The following ZNF682 variants were observed in gnomAD, a reference collection of about 807,000 sequenced individuals.
ZNF682 encodes zinc finger protein 682.
Under a neutral mutation model 36.5 loss-of-function variants are expected in ZNF682, and 29 were observed. The ratio of observed to expected loss-of-function variants is 0.80; its 90% CI spans 0.59 to 1.08. ZNF682 has a LOEUF of 1.08. Among genes scored for constraint, ZNF682 ranks in the 50% least tolerant of loss-of-function variants. ZNF682 has a pLI of 0.00. For missense variants in ZNF682, 561 were observed against 579.7 expected (o/e 0.97, Z 0.33); for synonymous variants, 180 against 197.0 (o/e 0.91, Z 0.72).
intron 3 of ZNF682, among the ~76,000 whole-genome samples, chr19:20,018,484 A>G (rs1260639380): frequency 1.3e-5 from 2 of 152,200 alleles, no homozygotes; most frequent in Non-Finnish European, 2.9e-5. Flanking sequence ...ATAACACATT[A>G]CCCAAAGCTA....
At chr19:20,022,024 G>A (rs2088388478) in intron 3 of ZNF682, among the ~76,000 whole-genome samples, 1 of 151,796 alleles carries the variant, frequency 6.6e-6, no homozygotes, top group Non-Finnish European at 1.5e-5. Context: ...ACAAAAAGTA[G>A]CTGGGCATGG....
chr19:20,020,046 T>G (rs552068747), intron 3 of ZNF682, among the ~76,000 whole-genome samples: 1,067 of 11,410 alleles, frequency 0.094, 7 homozygotes, highest in Admixed American at 0.14. Context: ...ACCCCTTCTC[T>G]TAAAAAAAAA....
chr19:20,021,233 A>G (rs1044439365), intron 3 of ZNF682, among the ~76,000 whole-genome samples: 5 of 152,234 alleles, frequency 3.3e-5, no homozygotes, highest in African/African-American at 1.2e-4. Flanking sequence ...CGTGCTCCAT[A>G]TGCTTAAATT....
intron 3 of ZNF682, among the ~76,000 whole-genome samples, chr19:20,019,700 G>C (rs2088367265): frequency 6.6e-6 from 1 of 152,104 alleles, no homozygotes; most frequent in Admixed American, 6.5e-5. Flanking sequence ...TGAAGACAAA[G>C]AGCCAACAGG....
At chr19:20,007,501 T>C (rs1470737617) in intron 3 of ZNF682, 3 of 452,956 alleles carry the variant, frequency 6.6e-6, no homozygotes, top group African/African-American at 2.0e-5. Context: ...GAAACTGTGG[T>C]TGAAGAGGAA....
chr19:20,037,691 G>C (rs1374058531), intron 1 of ZNF682, among the ~76,000 whole-genome samples: 1 of 152,128 alleles, frequency 6.6e-6, no homozygotes, highest in Non-Finnish European at 1.5e-5. Context: ...TTGCTTTGCA[G>C]GTTTTTGCAC....
chr19:20,011,335 G>A (rs987284381), intron 3 of ZNF682, among the ~76,000 whole-genome samples: 1 of 152,002 alleles, frequency 6.6e-6, no homozygotes, highest in African/African-American at 2.4e-5. Flanking sequence ...AATTATTACT[G>A]GACCTAAAAA....
At chr19:20,023,696 T>C (rs1475342376) in intron 2 of ZNF682, among the ~76,000 whole-genome samples, 1 of 62,546 alleles carries the variant, frequency 1.6e-5, no homozygotes, top group African/African-American at 5.8e-5. Context: ...GAATTACCAC[T>C]AAAGGCTGGG....
intron 1 of ZNF682, among the ~76,000 whole-genome samples, chr19:20,038,465 CAG>C (rs2088553481): frequency 2.0e-5 from 3 of 152,010 alleles, no homozygotes; most frequent in East Asian, 1.9e-4. Flanking sequence ...AACTGCAAGT[CAG>C]AGTTAGGCTG....
chr19:20,031,622 G>A (rs1328792328), intron 1 of ZNF682, among the ~76,000 whole-genome samples: 2 of 152,162 alleles, frequency 1.3e-5, no homozygotes, highest in African/African-American at 4.8e-5. Flanking sequence ...GAGAGATCCA[G>A]TCATGGAGAC....
intron 3 of ZNF682, among the ~76,000 whole-genome samples, chr19:20,018,213 C>G (rs566090173): frequency 6.7e-6 from 1 of 149,396 alleles, no homozygotes; most frequent in Non-Finnish European, 1.5e-5. Context: ...CCCGCCTCAG[C>G]CTCCCAAGTA....
In ZNF682 at chr19:20,039,342, C is replaced by T; in HGVS notation, c.3+1G>A. 1 of 1,612,496 alleles carries T rather than the reference C, an allele frequency of 6.2e-7. No homozygotes were observed. Among genetic ancestry groups the T allele is most frequent in the African/African-American group, 1.3e-5 (1 of 75,062 alleles). On this transcript the variant is annotated splice_donor_variant, in intron 1 of 3. Transcript: ENST00000397165. LOFTEE classifies it high-confidence loss of function. ...CGGGATGCGCGGCCTGGCACACTCACCATTTTTCGGCTTCCGGGATGTCGT... is the reference window on the plus strand; with the variant it reads ...CGGGATGCGCGGCCTGGCACACTCATCATTTTTCGGCTTCCGGGATGTCGT...
intron 1 of ZNF682, among the ~76,000 whole-genome samples, chr19:20,026,237 A>G (rs1184109099): frequency 2.0e-5 from 3 of 151,690 alleles, no homozygotes; most frequent in Admixed American, 2.0e-4. Flanking sequence ...CAGGAGGTGG[A>G]GCTTGCAGTG....
intron 1 of ZNF682, among the ~76,000 whole-genome samples, chr19:20,034,611 T>C (rs2088510932): frequency 7.2e-6 from 1 of 139,692 alleles, no homozygotes; most frequent in Non-Finnish European, 1.6e-5. Context: ...AAACCACCTC[T>C]CTACTAAAAA....
chr19:20,013,268 G>T (rs1197398737), intron 3 of ZNF682, among the ~76,000 whole-genome samples: 2 of 151,720 alleles, frequency 1.3e-5, no homozygotes, highest in Non-Finnish European at 2.9e-5. Flanking sequence ...ATAATAAAAA[G>T]ATTAATTTAT....
intron 1 of ZNF682, 37 bp downstream of exon 1, chr19:20,039,306 T>A: frequency 6.2e-7 from 1 of 1,611,058 alleles, no homozygotes; most frequent in Non-Finnish European, 8.5e-7. Flanking sequence ...CAACCAGCCC[T>A]GCCCCCACCT....
intron 3 of ZNF682, among the ~76,000 whole-genome samples, chr19:20,011,854 A>G (rs1440923880): frequency 6.6e-6 from 1 of 151,868 alleles, no homozygotes; most frequent in Non-Finnish European, 1.5e-5. Flanking sequence ...TGGCCAACAT[A>G]GTGAAACCCC....
chr19:20,012,410 C>G (rs770000617), intron 3 of ZNF682, among the ~76,000 whole-genome samples: 1 of 152,032 alleles, frequency 6.6e-6, no homozygotes, highest in African/African-American at 2.4e-5. Context: ...AACAGACAAC[C>G]TATTGGGAGA....
chr19:20,023,811 C>T (rs576516985), intron 2 of ZNF682, among the ~76,000 whole-genome samples: 52 of 151,714 alleles, frequency 3.4e-4, no homozygotes, highest in Non-Finnish European at 6.0e-4. Flanking sequence ...GTGAAACCTC[C>T]TCTTTACTAA....
Sources: gnomAD v4.1 joint callset for allele counts (sites outside exome capture counted in the v4.1 genomes callset) on GRCh38, gnomAD v4.1.1 for gene constraint, MANE v1.5 for transcripts, NCBI Gene and HGNC (gene_info 2026-07-23, HGNC 2026-07-21) for gene names.